The following SANBR variants were observed in gnomAD, a reference collection of about 807,000 sequenced individuals.
SANBR encodes the protein SANT and BTB domain regulator of class switch recombination.
A neutral mutation model predicts 101.8 loss-of-function variants in SANBR; 77 were observed. The observed-to-expected ratio is 0.76, with a 90% CI of 0.63 to 0.91. SANBR has a LOEUF of 0.91. Ranked by LOEUF, SANBR falls within the 40% of genes least tolerant of loss-of-function variation. The pLI is 0.00. For synonymous variants in SANBR, 279 were observed against 274.7 expected (o/e 1.02, Z -0.15); for missense variants, 875 against 853.0 (o/e 1.03, Z -0.32).
chr2:61,129,061 A>T (rs1009776922), downstream of SANBR, among the ~76,000 whole-genome samples: 1 of 152,244 alleles, frequency 6.6e-6, no homozygotes, highest in Non-Finnish European at 1.5e-5. Flanking sequence ...TCTTTCAAAT[A>T]TGAAGGCAAA....
At chr2:61,086,964 T>C (rs1205152009) in intron 8 of SANBR, among the ~76,000 whole-genome samples, 1 of 152,166 alleles carries the variant, frequency 6.6e-6, no homozygotes, top group Non-Finnish European at 1.5e-5. Flanking sequence ...CAAGGAAAGA[T>C]GGAGACAGGT....
Position 61,081,432 on chromosome 2 carries a change from T to A in SANBR, c.671-20T>A. 8.9e-6 allele frequency: 14 copies of A among 1,570,978 alleles called. No individual in the cohort carries two copies. Among genetic ancestry groups the A allele is most frequent in the Non-Finnish European group, 1.2e-5 (14 of 1,161,650 alleles). On this transcript the variant is annotated intron_variant, in intron 6 of 21. Transcript: ENST00000402291. The stretch of plus-strand genomic sequence containing the variant: ...TGGGGTACCCATCAAAAGGGTAATC[T>A]AATTTTTTTTTTTTTTTAGAGCCAG...
At chr2:61,075,766 G>T (rs899838805) in intron 5 of SANBR, among the ~76,000 whole-genome samples, 1 of 151,484 alleles carries the variant, frequency 6.6e-6, no homozygotes. Context: ...AAACTGTTTT[G>T]CTGTTAAAAG....
At chr2:61,106,470 G>C in intron 13 of SANBR, 93 bp from the exon 14 acceptor site, 1 of 791,300 alleles carries the variant, frequency 1.3e-6, no homozygotes, top group East Asian at 2.8e-5. Flanking sequence ...TTTCTAAAAA[G>C]CGATTTTTGA....
At chr2:61,084,182 G>A (rs1272929535) in intron 8 of SANBR, among the ~76,000 whole-genome samples, 1 of 152,062 alleles carries the variant, frequency 6.6e-6, no homozygotes, top group East Asian at 1.9e-4. Flanking sequence ...TTGAACTCCT[G>A]GGCTCAAGCA....
At chr2:61,083,774 CAGG>C (rs1478610986) in intron 8 of SANBR, among the ~76,000 whole-genome samples, 1 of 151,136 alleles carries the variant, frequency 6.6e-6, no homozygotes, top group Non-Finnish European at 1.5e-5. Context: ...GTGGCTGAGG[CAGG>C]AGAATGGCAT....
chr2:61,071,094 A>G (rs1681439890), intron 3 of SANBR, among the ~76,000 whole-genome samples: 1 of 152,130 alleles, frequency 6.6e-6, no homozygotes, highest in Middle Eastern at 3.2e-3. Flanking sequence ...TCTACCCTGA[A>G]TTTTAAAATA....
chr2:61,094,028 A>T, intron 11 of SANBR: 3 of 947,716 alleles, frequency 3.2e-6, no homozygotes, highest in Non-Finnish European at 3.8e-6. Context: ...TTGCGTAATG[A>T]TTTTCAATAG....
intron 7 of SANBR, 61 bp from the exon 8 acceptor site, chr2:61,083,093 A>C (rs1281558813): frequency 2.4e-5 from 30 of 1,245,842 alleles, no homozygotes; most frequent in Non-Finnish European, 3.5e-5. Flanking sequence ...TTTGAAAGGT[A>C]TTGCTATGAC....
At chr2:61,117,817 T>C (rs1484399995) in intron 19 of SANBR, among the ~76,000 whole-genome samples, 1 of 152,228 alleles carries the variant, frequency 6.6e-6, no homozygotes, top group African/African-American at 2.4e-5. Context: ...TAGGCTGTTT[T>C]ATGGTAATCT....
chr2:61,102,255 A>G lies in SANBR; in HGVS notation c.1366-1598A>G, dbSNP rs141593426. On this transcript the variant is annotated intron_variant, in intron 12 of 21. Transcript: ENST00000402291. ...GCTGGGCGTGGTGGTGTGCGCCTGT[A>G]GTCCCAGCTACTTGGGAGGCTGAGG... 5.0e-3 allele frequency among the ~76,000 whole-genome samples: 743 copies of G among 149,396 alleles called. 4 individuals are homozygous for G. Among genetic ancestry groups the G allele is most frequent in the African/African-American group, 0.017 (679 of 40,806 alleles).
downstream of SANBR, among the ~76,000 whole-genome samples, chr2:61,127,696 AG>A (rs757839668): frequency 3.9e-5 from 6 of 152,212 alleles, no homozygotes; most frequent in Non-Finnish European, 5.9e-5. Flanking sequence ...ACAGAAAAAA[AG>A]AATGAAGAAA....
chr2:61,079,654 A>G (rs572853046), intron 6 of SANBR, among the ~76,000 whole-genome samples: 2 of 152,298 alleles, frequency 1.3e-5, no homozygotes, highest in South Asian at 4.1e-4. Flanking sequence ...GAGAAAAAAA[A>G]TTATTCGATT....
chr2:61,121,859 T>G (rs186515342), intron 21 of SANBR, among the ~76,000 whole-genome samples: 1 of 152,342 alleles, frequency 6.6e-6, no homozygotes, highest in African/African-American at 2.4e-5. Flanking sequence ...ATACCATTTA[T>G]ATTTTTTATT....
intron 11 of SANBR, among the ~76,000 whole-genome samples, chr2:61,097,257 G>T (rs1394753234): frequency 3.9e-5 from 6 of 152,166 alleles, no homozygotes; most frequent in Admixed American, 2.6e-4. Flanking sequence ...TGTATATCAA[G>T]ATCAGTTTAA....
intron 11 of SANBR, chr2:61,094,246 T>A: frequency 5.8e-6 from 1 of 173,726 alleles, no homozygotes; most frequent in Non-Finnish European, 1.1e-5. Context: ...TCCATCACCC[T>A]AAAAGAAATT....
At chr2:61,092,627 T>G in intron 11 of SANBR, 40 bp downstream of exon 11, 3 of 1,459,104 alleles carry the variant, frequency 2.1e-6, no homozygotes, top group Non-Finnish European at 2.8e-6. Flanking sequence ...CTGCAAATAT[T>G]GAGAGCAAGA....
chr2:61,093,722 C>G (rs575061942), intron 11 of SANBR, among the ~76,000 whole-genome samples: 3 of 152,136 alleles, frequency 2.0e-5, no homozygotes, highest in Non-Finnish European at 4.4e-5. Flanking sequence ...TTGTTCTATA[C>G]ACTTCTATAG....
intron 16 of SANBR, among the ~76,000 whole-genome samples, chr2:61,110,615 G>A (rs756330418): frequency 2.0e-5 from 3 of 152,182 alleles, no homozygotes; most frequent in Non-Finnish European, 2.9e-5. Context: ...CAAGGCGGAG[G>A]TTGCAGTGAG....
Sources: gnomAD v4.1 joint callset for allele counts (sites outside exome capture counted in the v4.1 genomes callset) on GRCh38, gnomAD v4.1.1 for gene constraint, MANE v1.5 for transcripts, NCBI Gene and HGNC (gene_info 2026-07-23, HGNC 2026-07-21) for gene names.